VCAN: variants seen among roughly 807,000 people sequenced by gnomAD.
VCAN encodes the protein versican.
VCAN carries 44 observed loss-of-function variants against 245.5 expected under a neutral mutation model. The observed-to-expected ratio is 0.18, with a 90% CI of 0.14 to 0.23. The LOEUF is 0.23. Among genes scored for constraint, VCAN ranks in the 10% least tolerant of loss-of-function variants. The pLI is 1.00. For missense variants in VCAN, 3,793 were observed against 4,057.9 expected, an observed-to-expected ratio of 0.93 and a Z score of 1.77; for synonymous variants, 1,413 against 1,437.0, an observed-to-expected ratio of 0.98 and a Z score of 0.38.
intron 5 of VCAN, among the ~76,000 whole-genome samples, chr5:83,506,357 A>G (rs920385985): frequency 6.6e-6 from 1 of 152,174 alleles, no homozygotes; most frequent in African/African-American, 2.4e-5. Flanking sequence ...TTCTTCCACC[A>G]CATACTGTAA....
chr5:83,541,420 A>G lies in VCAN; in HGVS notation c.8417A>G (p.Tyr2806Cys), dbSNP rs1376946134. Residue 2806 changes from tyrosine to cysteine, a missense_variant, in exon 8 of 15, where the codon TAT (tyrosine) becomes TGT (cysteine). By Grantham distance (194) the Tyr-to-Cys change is radical. This residue lies in a region of VCAN where 3,182 missense variants were observed against 3,250.3 expected (regional missense o/e 0.98). Coordinates refer to ENST00000265077, the MANE Select transcript of VCAN (RefSeq NM_004385.5). ...GTGATGGAAGGATCCAATCCCCCAT[A>G]TTACACTGATACAACATTAGCAGTT... is the stretch of plus-strand genomic sequence containing the variant. ...PDVMEGSNPP[Y>C]YTDTTLAVST... 1 of 1,614,068 alleles carries G rather than the reference A, an allele frequency of 6.2e-7. No individual in the cohort carries two copies. Among genetic ancestry groups the G allele is most frequent in the African/African-American group, 1.3e-5 (1 of 75,020 alleles).
intron 2 of VCAN, among the ~76,000 whole-genome samples, chr5:83,489,015 C>T (rs1744879427): frequency 6.6e-6 from 1 of 152,058 alleles, no homozygotes; most frequent in African/African-American, 2.4e-5. Context: ...TGAGAATCCA[C>T]AGTGTTTACA....
intron 12 of VCAN, among the ~76,000 whole-genome samples, chr5:83,562,746 A>G (rs1747915291): frequency 6.6e-6 from 1 of 152,110 alleles, no homozygotes; most frequent in African/African-American, 2.4e-5. Flanking sequence ...GACCTGTGCA[A>G]ATAAGCTTGG....
At chr5:83,573,544 AAAAAAC>A (rs1325783210) in intron 13 of VCAN, among the ~76,000 whole-genome samples, 3 of 152,230 alleles carry the variant, frequency 2.0e-5, no homozygotes, top group African/African-American at 7.2e-5. Flanking sequence ...GAATTCTGGA[AAAAAAC>A]AAATTTTAAA....
intron 8 of VCAN, among the ~76,000 whole-genome samples, chr5:83,544,268 C>T (rs1247819736): frequency 2.0e-5 from 3 of 152,160 alleles, no homozygotes; most frequent in African/African-American, 4.8e-5. Context: ...TTAGAAAACT[C>T]GGGGGAGTTT....
intron 5 of VCAN, 98 bp from the exon 6 acceptor site, chr5:83,512,005 A>G (rs1233430265): frequency 8.6e-6 from 13 of 1,514,662 alleles, no homozygotes; most frequent in African/African-American, 1.4e-5. Context: ...ATGAAAAAGT[A>G]TTACATGCTC....
In VCAN at chr5:83,548,062, T is replaced by C. The variant is rs1747303337; in HGVS notation, c.9471T>C (p.Tyr3157=). Residue 3157 remains tyrosine (Y), a synonymous_variant, in exon 10 of 15, where the codon TAT becomes TAC. Coordinates refer to ENST00000265077, the MANE Select transcript of VCAN (RefSeq NM_004385.5). Reference sequence around the variant, plus strand: ...TCAGGTGCCTCTGCCTTCCAAGTTATGTTGGTGCACTTTGTGAGCAAGGTA... The same window carrying C: ...TCAGGTGCCTCTGCCTTCCAAGTTACGTTGGTGCACTTTGTGAGCAAGGTA... The part of the protein sequence containing the change: ...NTFRCLCLPS[Y]VGALCEQDTE... The C allele has an allele frequency of 1.9e-6, 3 of 1,613,988 alleles. No individual in the cohort carries two copies. The highest frequency in any genetic ancestry group is 1.1e-5 in the South Asian group (1 of 91,080).
intron 5 of VCAN, among the ~76,000 whole-genome samples, chr5:83,509,878 A>G (rs1300825434): frequency 1.3e-5 from 2 of 152,176 alleles, no homozygotes; most frequent in East Asian, 1.9e-4. Flanking sequence ...GGCAGCAGCC[A>G]TCTCTCCAAA....
intron 7 of VCAN, among the ~76,000 whole-genome samples, chr5:83,526,617 G>A (rs1746311182): frequency 6.6e-6 from 1 of 152,156 alleles, no homozygotes; most frequent in Non-Finnish European, 1.5e-5. Context: ...AGAGAATTAA[G>A]TTCTTAAAAG....
intron 12 of VCAN, among the ~76,000 whole-genome samples, chr5:83,555,960 A>C (rs2112474027): frequency 6.6e-6 from 1 of 152,336 alleles, no homozygotes; most frequent in South Asian, 2.1e-4. Flanking sequence ...TTTATTACTT[A>C]GGTATTCAGT....
Position 83,572,446 on chromosome 5 carries a change from G to A in VCAN, c.9766G>A (p.Asp3256Asn). ...CGAGAATTGGAGACCCAACCAGCCAGACAGCTTCTTTTCTGCTGGAGAAGA... is the reference window on the plus strand; with the variant it reads ...CGAGAATTGGAGACCCAACCAGCCAAACAGCTTCTTTTCTGCTGGAGAAGA... ...QYENWRPNQP[D>N]SFFSAGEDCV... Residue 3256 changes from aspartate to asparagine, a missense_variant, in exon 13 of 15, where the codon GAC becomes AAC. Asp to Asn is a conservative substitution (Grantham distance 23, BLOSUM62 1). This residue lies in a region of VCAN where 205 missense variants were observed against 321.1 expected (regional missense o/e 0.64). Coordinates refer to ENST00000265077, the MANE Select transcript of VCAN (RefSeq NM_004385.5). 6.2e-7 allele frequency: 1 copy of A among 1,613,948 alleles called. No homozygotes were observed. The highest frequency in any genetic ancestry group is 8.5e-7 in the Non-Finnish European group (1 of 1,179,874).
In VCAN at chr5:83,538,961, A is replaced by G. The variant is rs1746844640; in HGVS notation, c.5958A>G (p.Ser1986=). The G allele has an allele frequency of 6.2e-7, 1 of 1,614,058 alleles. No homozygotes were observed. The stretch of plus-strand genomic sequence containing the variant: ...TTCACATCAGTCACATATCTGACTC[A>G]GAAGGACCCAGTAGCACCATGGTCA... ...TSVHISHISD[S]EGPSSTMVST... is the part of the protein sequence containing the mutation. Residue 1986 remains serine (S), a synonymous_variant, in exon 8 of 15, where the codon TCA becomes TCG. Transcript: ENST00000265077.
At chr5:83,530,242 C>A (rs2541311) in intron 7 of VCAN, among the ~76,000 whole-genome samples, 108,383 of 151,942 alleles carry the variant, frequency 0.71, 38,921 homozygotes, top group East Asian at 0.87. Context: ...TTCTCATAAA[C>A]ATCATTTTAC....
Position 83,559,721 on chromosome 5 carries a change from T to C in VCAN, c.9735+4683T>C, listed in dbSNP as rs546768322. ...TCCTGTGAAATCAACTTCCTGACACTGAGTCTTCTGAGATAGGAATTAACT... is the reference window on the plus strand; with the variant it reads ...TCCTGTGAAATCAACTTCCTGACACCGAGTCTTCTGAGATAGGAATTAACT... On this transcript the variant is annotated intron_variant, in intron 12 of 14. Coordinates refer to ENST00000265077, the MANE Select transcript of VCAN (RefSeq NM_004385.5). 2.6e-5 allele frequency among the ~76,000 whole-genome samples: 4 copies of C among 152,254 alleles called. No individual in the cohort carries two copies. The East Asian group carries it at 5.8e-4, about 22-fold the overall frequency.
intron 5 of VCAN, among the ~76,000 whole-genome samples, 155 bp from the exon 6 acceptor site, chr5:83,511,948 C>A (rs1418571115): frequency 6.6e-6 from 1 of 152,202 alleles, no homozygotes; most frequent in Non-Finnish European, 1.5e-5. Context: ...GAAGCTAAGT[C>A]ACCATTATCT....
chr5:83,536,283 T>A (rs888808366), intron 7 of VCAN: 26 of 152,162 alleles, frequency 1.7e-4, no homozygotes, highest in African/African-American at 6.3e-4. Context: ...CTCTTTCTGG[T>A]CCTTTCAGTG....
At chr5:83,511,878 C>G (rs1014733191) in intron 5 of VCAN, among the ~76,000 whole-genome samples, 1 of 152,118 alleles carries the variant, frequency 6.6e-6, no homozygotes, top group Admixed American at 6.5e-5. Flanking sequence ...CACACATACA[C>G]GTATAGAATA....
chr5:83,492,365 C>T (rs996462073), intron 3 of VCAN, among the ~76,000 whole-genome samples: 1 of 152,136 alleles, frequency 6.6e-6, no homozygotes, highest in African/African-American at 2.4e-5. Flanking sequence ...TCCCAAATAA[C>T]AACAACAACA....
intron 9 of VCAN, among the ~76,000 whole-genome samples, chr5:83,546,592 C>CAA (rs11380325): frequency 0.055 from 7,543 of 137,630 alleles, 426 homozygotes; most frequent in African/African-American, 0.14. Flanking sequence ...CTCACCTCTG[C>CAA]AAAAAAAAAA....
Sources: gnomAD v4.1 joint callset for allele counts (sites outside exome capture counted in the v4.1 genomes callset) on GRCh38, gnomAD v4.1.1 for gene constraint, gnomAD v4.1.1 regional missense constraint, MANE v1.5 for transcripts, NCBI Gene and HGNC (gene_info 2026-07-23, HGNC 2026-07-21) for gene names.